The following FGF13 variants were observed in gnomAD, a reference collection of about 807,000 sequenced individuals.
FGF13 encodes fibroblast growth factor homologous factor 2.
Under a neutral mutation model 19.5 loss-of-function variants are expected in FGF13, and 2 were observed. The observed-to-expected ratio is 0.10, with a 90% CI of 0.04 to 0.32. FGF13 has a LOEUF of 0.32. FGF13 is among the 10% of genes least tolerant of loss of function. FGF13 has a pLI of 1.00. For synonymous variants in FGF13, 72 were observed against 76.9 expected (o/e 0.94, Z 0.33); for missense variants, 113 against 192.7 (o/e 0.59, Z 2.45).
downstream of FGF13, among the ~76,000 whole-genome samples, chrX:138,852,897 G>A (rs2091231901): frequency 9.1e-6 from 1 of 109,795 alleles, no homozygotes; most frequent in Non-Finnish European, 1.9e-5. Context: ...GTGGGCAAAG[G>A]ACATGAACAG....
At chrX:139,018,157 T>C (rs184539367) in intron 1 of FGF13, among the ~76,000 whole-genome samples, 1 of 111,740 alleles carries the variant, frequency 8.9e-6, no homozygotes, top group Non-Finnish European at 1.9e-5. Flanking sequence ...GAACCTCTTA[T>C]AAAATGGAGA....
At chrX:138,677,395 A>G (rs972008110) in intron 3 of FGF13, among the ~76,000 whole-genome samples, 1 of 110,166 alleles carries the variant, frequency 9.1e-6, no homozygotes, top group Non-Finnish European at 1.9e-5. Flanking sequence ...CAGGCAACCT[A>G]CAAAATGGGA....
chrX:138,971,756 A>T (rs2091917299), intron 1 of FGF13, among the ~76,000 whole-genome samples: 1 of 111,481 alleles, frequency 9.0e-6, no homozygotes, highest in Non-Finnish European at 1.9e-5. Flanking sequence ...TGAAGTATAC[A>T]ATACATTATT....
intron 3 of FGF13, among the ~76,000 whole-genome samples, chrX:138,692,720 ATG>A (rs780289338): frequency 8.3e-5 from 9 of 108,499 alleles, no homozygotes; most frequent in African/African-American, 1.3e-4. Flanking sequence ...GCATGTGTGT[ATG>A]TGTGTGTGTG....
intron 1 of FGF13, among the ~76,000 whole-genome samples, chrX:139,146,766 A>AC (rs1437497756): frequency 8.9e-6 from 1 of 111,845 alleles, no homozygotes; most frequent in Admixed American, 9.5e-5. Flanking sequence ...TGGCACATAT[A>AC]CCCCATGGAA....
chrX:138,786,721 C>T (rs1569394697), intron 3 of FGF13, among the ~76,000 whole-genome samples: 1 of 111,881 alleles, frequency 8.9e-6, no homozygotes, highest in Non-Finnish European at 1.9e-5. Context: ...TTTGGCCTCT[C>T]GACTTCAGGT....
At chrX:138,833,863 A>G (rs1214054917) in intron 3 of FGF13, among the ~76,000 whole-genome samples, 1 of 112,087 alleles carries the variant, frequency 8.9e-6, no homozygotes, top group Non-Finnish European at 1.9e-5. Context: ...AGTTTTTAAC[A>G]TAAATCAATG....
At chrX:138,885,032 A>G (rs979105059) in intron 1 of FGF13, among the ~76,000 whole-genome samples, 1 of 112,315 alleles carries the variant, frequency 8.9e-6, no homozygotes, top group African/African-American at 3.2e-5. Flanking sequence ...GCCTAGTTTA[A>G]TAAAATATAA....
At chrX:138,875,163 C>T (rs1195502885) in intron 1 of FGF13, among the ~76,000 whole-genome samples, 6 of 104,231 alleles carry the variant, frequency 5.8e-5, no homozygotes, top group Non-Finnish European at 1.2e-4. Flanking sequence ...ACCCGGGAGG[C>T]GAAGGTTGCA....
intron 1 of FGF13, among the ~76,000 whole-genome samples, chrX:139,017,962 G>A (rs981491604): frequency 8.9e-5 from 10 of 111,900 alleles, no homozygotes; most frequent in Non-Finnish European, 1.9e-4. Flanking sequence ...AGATTGCATT[G>A]AAAGTTCAGA....
At chrX:138,858,232 T>C (rs893676008) in intron 2 of FGF13, among the ~76,000 whole-genome samples, 3 of 111,705 alleles carry the variant, frequency 2.7e-5, no homozygotes, top group Non-Finnish European at 1.9e-5. Flanking sequence ...AACCCCTTAA[T>C]GAAGACAAGA....
intron 3 of FGF13, among the ~76,000 whole-genome samples, chrX:138,795,778 C>A (rs192255337): frequency 1.2e-3 from 129 of 111,953 alleles, no homozygotes; most frequent in Admixed American, 2.2e-3. Context: ...ACCTCAGTGG[C>A]AACAGAGAGC....
intron 3 of FGF13, among the ~76,000 whole-genome samples, chrX:138,850,066 T>G (rs2091212033): frequency 9.0e-6 from 1 of 111,154 alleles, no homozygotes; most frequent in Non-Finnish European, 1.9e-5. Flanking sequence ...ACCACCACCA[T>G]GATTGGAACA....
intron 1 of FGF13, among the ~76,000 whole-genome samples, chrX:139,003,252 C>A (rs1368365330): frequency 9.1e-6 from 1 of 109,799 alleles, no homozygotes; most frequent in African/African-American, 3.3e-5. Flanking sequence ...TGTTACAGCT[C>A]TTAAGGCAGC....
chrX:138,995,606 C>T (rs1262597939), intron 1 of FGF13, among the ~76,000 whole-genome samples: 2 of 112,450 alleles, frequency 1.8e-5, no homozygotes, highest in Non-Finnish European at 3.8e-5. Context: ...ATGATAGCCT[C>T]CAGCTCCATC....
intron 1 of FGF13, among the ~76,000 whole-genome samples, chrX:138,724,595 G>A (rs2090171502): frequency 8.9e-6 from 1 of 111,913 alleles, no homozygotes; most frequent in Admixed American, 9.5e-5. Context: ...TAAGTATAGT[G>A]CTTAACAACG....
At chrX:138,863,559 C>T (rs948988851) in intron 2 of FGF13, among the ~76,000 whole-genome samples, 2 of 112,193 alleles carry the variant, frequency 1.8e-5, no homozygotes, top group Admixed American at 9.5e-5. Context: ...GTCTCTTTTG[C>T]AATCATTTTT....
intron 1 of FGF13, among the ~76,000 whole-genome samples, chrX:139,156,962 G>A (rs1007130615): frequency 1.3e-4 from 14 of 111,540 alleles, no homozygotes; most frequent in African/African-American, 4.6e-4. Context: ...ACAAGAGGCC[G>A]CTGAGAAAAT....
chrX:138,728,067 A>T (rs1172973968), intron 1 of FGF13, among the ~76,000 whole-genome samples: 1 of 111,961 alleles, frequency 8.9e-6, no homozygotes, highest in Non-Finnish European at 1.9e-5. Context: ...TCTGAAGAGG[A>T]TCCTTACATG....
Sources: allele counts gnomAD v4.1 joint callset (sites outside exome capture counted in the v4.1 genomes callset), GRCh38; gene constraint gnomAD v4.1.1; transcripts MANE v1.5; gene names NCBI Gene and HGNC (gene_info 2026-07-23, HGNC 2026-07-21).